The following CPN1 variants were observed in gnomAD, a reference collection of about 807,000 sequenced individuals.
CPN1 encodes the protein carboxypeptidase N catalytic chain.
CPN1 carries 37 observed loss-of-function variants against 46.4 expected under a neutral mutation model. The observed-to-expected ratio is 0.80, with a 90% CI of 0.61 to 1.05. The LOEUF (loss-of-function observed/expected upper bound fraction) is 1.05, where lower values mean the gene tolerates loss of function less well. Ranked by LOEUF, CPN1 falls within the 50% of genes least tolerant of loss-of-function variation. The pLI is 0.00. For missense variants in CPN1, 563 were observed against 602.6 expected (o/e 0.93, Z 0.69); for synonymous variants, 224 against 235.4 (o/e 0.95, Z 0.44).
intron 7 of CPN1, 96 bp downstream of exon 7, chr10:100,054,251 G>T: frequency 1.1e-6 from 1 of 946,532 alleles, no homozygotes; most frequent in South Asian, 1.3e-5. Flanking sequence ...TGACACCCCT[G>T]CTGGTTTCAC....
chr10:100,069,701 T>C lies in CPN1; in HGVS notation c.576+13A>G. ...CTGATTTACCTGCTTTGTTTGCAAATTTCATCTCCTACCTGACTTTTCCAG... is the reference window on the plus strand; with the variant it reads ...CTGATTTACCTGCTTTGTTTGCAAACTTCATCTCCTACCTGACTTTTCCAG... On this transcript the variant is annotated intron_variant, in intron 3 of 8. Transcript: ENST00000370418. 1 of 1,613,938 alleles carries C rather than the reference T, an allele frequency of 6.2e-7. No homozygotes were observed. The highest frequency in any genetic ancestry group is 8.5e-7 in the Non-Finnish European group (1 of 1,179,980).
chr10:100,065,198 A>G lies in CPN1; in HGVS notation c.749T>C (p.Leu250Pro). 6.2e-7 allele frequency: 1 copy of G among 1,613,098 alleles called. No individual in the cohort carries two copies. Among genetic ancestry groups the G allele is most frequent in the Non-Finnish European group, 8.5e-7 (1 of 1,179,238 alleles). ...TASTPTPDDK[L>P]FQKLAKVYSY... ...TGCTTCTCCACATACCTTCTGGAAG[A>G]GCTTGTCGTCAGGCGTGGGGGTGCT... is the stretch of plus-strand genomic sequence containing the variant. Residue 250 changes from leucine (L) to proline (P), a missense_variant, in exon 4 of 9, where the codon CTC (leucine) becomes CCC (proline). Coordinates refer to ENST00000370418, the MANE Select transcript of CPN1 (RefSeq NM_001308.3).
chr10:100,073,797 T>G (rs2041499378), intron 2 of CPN1, among the ~76,000 whole-genome samples: 1 of 152,036 alleles, frequency 6.6e-6, no homozygotes, highest in East Asian at 1.9e-4. Flanking sequence ...GTATTTTTAG[T>G]AGAGACAGGG....
At chr10:100,053,757 A>T (rs2041368724) in intron 7 of CPN1, among the ~76,000 whole-genome samples, 1 of 152,154 alleles carries the variant, frequency 6.6e-6, no homozygotes, top group Non-Finnish European at 1.5e-5. Flanking sequence ...GTGCATGATC[A>T]AGCTGGGCTG....
chr10:100,079,306 C>T (rs141962467), intron 1 of CPN1, among the ~76,000 whole-genome samples: 22 of 152,334 alleles, frequency 1.4e-4, no homozygotes, highest in African/African-American at 4.6e-4. Context: ...CCAGAGTCTA[C>T]AAAAGTGCCT....
chr10:100,068,999 AC>A (rs1396228708), intron 3 of CPN1, among the ~76,000 whole-genome samples: 1 of 152,326 alleles, frequency 6.6e-6, no homozygotes, highest in Non-Finnish European at 1.5e-5. Flanking sequence ...ATCAATCACT[AC>A]CTGTGAGAAT....
At chr10:100,070,176 C>T (rs2041476437) in intron 2 of CPN1, among the ~76,000 whole-genome samples, 2 of 151,778 alleles carry the variant, frequency 1.3e-5, no homozygotes, top group Non-Finnish European at 2.9e-5. Context: ...GATCCACCCA[C>T]CTCGCCCTTC....
At chr10:100,069,255 A>T (rs939597816) in intron 3 of CPN1, among the ~76,000 whole-genome samples, 1 of 152,172 alleles carries the variant, frequency 6.6e-6, no homozygotes, top group Admixed American at 6.5e-5. Context: ...AGGCTGAGGC[A>T]GGCAGATCAC....
intron 8 of CPN1, among the ~76,000 whole-genome samples, chr10:100,044,716 T>TA (rs2041298135): frequency 6.6e-6 from 1 of 150,594 alleles, no homozygotes; most frequent in South Asian, 2.1e-4. Flanking sequence ...AAACAATCTT[T>TA]TTTTTTTTTT....
In CPN1 at chr10:100,081,795, C is replaced by G. The variant is rs2041548994; in HGVS notation, c.-170G>C. 1.5e-6 allele frequency: 1 copy of G among 667,372 alleles called. No homozygotes were observed. The highest frequency in any genetic ancestry group is 1.8e-5 in the African/African-American group (1 of 56,454). The allele number at this position is 667,372 out of a possible 1,614,324, so 41.3% of individuals were successfully genotyped here. On this transcript the variant is annotated 5_prime_UTR_variant, in exon 1 of 9. Coordinates refer to ENST00000370418, the MANE Select transcript of CPN1 (RefSeq NM_001308.3). ...GTCCAAGGCTGGAAATTCTTTATGT[C>G]GTTCTGGAATAGCCACTCATCTCTC...
intron 6 of CPN1, 74 bp from the exon 7 acceptor site, chr10:100,054,520 CCTTT>C: frequency 8.1e-7 from 1 of 1,230,478 alleles, no homozygotes. Flanking sequence ...GTCTCAAAGC[CCTTT>C]CTCTTATGTT....
intron 8 of CPN1, among the ~76,000 whole-genome samples, chr10:100,045,129 G>A (rs1313491029): frequency 6.6e-6 from 1 of 152,166 alleles, no homozygotes; most frequent in Non-Finnish European, 1.5e-5. Flanking sequence ...TCTGGAAATT[G>A]TATCCAAATG....
chr10:100,076,687 G>A (rs1315502633), intron 1 of CPN1, among the ~76,000 whole-genome samples: 1 of 152,262 alleles, frequency 6.6e-6, no homozygotes. Context: ...CAGCAGGTGA[G>A]CAGAGGTGAC....
intron 2 of CPN1, among the ~76,000 whole-genome samples, chr10:100,074,501 C>T (rs372020760): frequency 2.6e-5 from 4 of 152,176 alleles, no homozygotes; most frequent in South Asian, 4.1e-4. Flanking sequence ...CCACAGCCTC[C>T]GCCTCCTGGG....
chr10:100,078,072 G>T (rs931337007), intron 1 of CPN1, among the ~76,000 whole-genome samples: 2 of 151,844 alleles, frequency 1.3e-5, no homozygotes, highest in African/African-American at 4.8e-5. Flanking sequence ...TAGAGACAGG[G>T]TCTTGCTCAG....
intron 1 of CPN1, 95 bp downstream of exon 1, chr10:100,081,308 G>T: frequency 1.9e-6 from 2 of 1,035,536 alleles, no homozygotes; most frequent in Non-Finnish European, 2.9e-6. Context: ...TGTAGGCGGA[G>T]GCGTCCACGG....
At chr10:100,066,209 C>T (rs1263628242) in intron 3 of CPN1, among the ~76,000 whole-genome samples, 4 of 152,118 alleles carry the variant, frequency 2.6e-5, no homozygotes, top group Admixed American at 2.6e-4. Context: ...TCTCCACCTC[C>T]CAAAGTGTTG....
chr10:100,080,500 CAG>C (rs1332366410), intron 1 of CPN1, among the ~76,000 whole-genome samples: 1 of 152,176 alleles, frequency 6.6e-6, no homozygotes, highest in African/African-American at 2.4e-5. Flanking sequence ...AATACATTAA[CAG>C]TGGTGGGATT....
At chr10:100,077,550 A>G (rs2041522721) in intron 1 of CPN1, among the ~76,000 whole-genome samples, 1 of 151,914 alleles carries the variant, frequency 6.6e-6, no homozygotes, top group Non-Finnish European at 1.5e-5. Context: ...CTATTTTTAT[A>G]TATGTTCTAT....
Sources: allele counts gnomAD v4.1 joint callset (sites outside exome capture counted in the v4.1 genomes callset), GRCh38; gene constraint gnomAD v4.1.1; transcripts MANE v1.5; gene names NCBI Gene and HGNC (gene_info 2026-07-23, HGNC 2026-07-21).